FAM91A1: variants seen among roughly 807,000 people sequenced by gnomAD.
The protein encoded by FAM91A1 is protein FAM91A1.
In FAM91A1, 41 loss-of-function variants were observed where a neutral mutation model predicts 113.5. The observed-to-expected ratio is 0.36, with a 90% confidence interval of 0.28 to 0.47. FAM91A1 has a LOEUF of 0.47. FAM91A1 is among the 20% of genes least tolerant of loss of function. The pLI is 1.00. For missense variants in FAM91A1, 696 were observed against 1,001.2 expected, an observed-to-expected ratio of 0.70 and a Z score of 4.11; for synonymous variants, 307 against 347.9, an observed-to-expected ratio of 0.88 and a Z score of 1.31.
intron 14 of FAM91A1, 47 bp downstream of exon 14, chr8:123,787,797 G>C (rs1815294673): frequency 6.8e-7 from 1 of 1,466,002 alleles, no homozygotes. Flanking sequence ...TTTGGAATCT[G>C]TCCTTGCTTG....
At chr8:123,786,353 T>G (rs1815257224) in intron 11 of FAM91A1, 142 bp from the exon 12 acceptor site, 1 of 631,838 alleles carries the variant, frequency 1.6e-6, no homozygotes, top group South Asian at 2.0e-5. Flanking sequence ...AGAGCATTTT[T>G]GGGCTGCGAC....
In FAM91A1 at chr8:123,784,512, A is replaced by G; in HGVS notation, c.746A>G (p.Asp249Gly). ...EGFVMNRVQG[D>G]YFETLLYKIF... is the part of the protein sequence containing the mutation. ...TTTGTAATGAATCGAGTGCAAGGTG[A>G]TTATTTTGAAACTCTACTCTATAAG... Residue 249 changes from aspartate (D) to glycine (G), a missense_variant, in exon 9 of 24, where the codon GAT (aspartate) becomes GGT (glycine). Coordinates refer to ENST00000334705, the MANE Select transcript of FAM91A1 (RefSeq NM_144963.4). The G allele has an allele frequency of 6.2e-7, 1 of 1,608,362 alleles. No individual in the cohort carries two copies. The highest frequency in any genetic ancestry group is 1.1e-5 in the South Asian group (1 of 89,306).
chr8:123,777,331 T>G lies in FAM91A1; in HGVS notation c.367+9T>G, dbSNP rs766797715. 3.1e-6 allele frequency: 5 copies of G among 1,610,710 alleles called. No homozygotes were observed. The African/African-American group carries it at 5.3e-5, about 17-fold the overall frequency. On this transcript the variant is annotated intron_variant, in intron 4 of 23. Coordinates refer to ENST00000334705, the MANE Select transcript of FAM91A1 (RefSeq NM_144963.4). ...TTTTACTGCTGCTGACTGTAAGTAT[T>G]TAATTGTGCTGAAGAAGGTAATGTT...
chr8:123,784,574 G>C lies in FAM91A1; in HGVS notation c.808G>C (p.Glu270Gln). The C allele has an allele frequency of 6.3e-7, 1 of 1,592,490 alleles. No individual in the cohort carries two copies. Residue 270 changes from glutamate to glutamine, a missense_variant and splice_region_variant, in exon 9 of 24, where the codon GAG becomes CAG. Transcript: ENST00000334705. Reference protein sequence around the residue: ...VSIDEHTNVAELANVLEIDLS... With the variant: ...VSIDEHTNVAQLANVLEIDLS... ...AATAGATGAGCACACAAATGTTGCA[G>C]AGGTAAGTTTGACAACGTCTCATGA...
At chr8:123,803,600 G>C (rs1243880720) in intron 18 of FAM91A1, among the ~76,000 whole-genome samples, 1 of 152,144 alleles carries the variant, frequency 6.6e-6, no homozygotes, top group Non-Finnish European at 1.5e-5. Flanking sequence ...ACCACACCAG[G>C]CTGACAGTAC....
intron 14 of FAM91A1, among the ~76,000 whole-genome samples, 175 bp from the exon 15 acceptor site, chr8:123,789,438 T>A (rs1273729728): frequency 6.6e-6 from 1 of 152,244 alleles, no homozygotes; most frequent in African/African-American, 2.4e-5. Flanking sequence ...TCCATAGATG[T>A]AGTAAAATTG....
chr8:123,778,145 A>C, intron 5 of FAM91A1, 53 bp downstream of exon 5: 2 of 1,289,138 alleles, frequency 1.6e-6, no homozygotes, highest in South Asian at 2.5e-5. Flanking sequence ...CAGTTTGATT[A>C]GTTTTTTTAA....
intron 14 of FAM91A1, among the ~76,000 whole-genome samples, 169 bp downstream of exon 14, chr8:123,787,919 T>G (rs541600234): frequency 2.0e-4 from 31 of 152,218 alleles, no homozygotes; most frequent in African/African-American, 7.2e-4. Flanking sequence ...GACTTAAACA[T>G]ATTGAGTGGG....
chr8:123,794,073 T>A (rs189738275), intron 15 of FAM91A1, among the ~76,000 whole-genome samples: 1 of 152,314 alleles, frequency 6.6e-6, no homozygotes, highest in Non-Finnish European at 1.5e-5. Context: ...TTTGTAGAGA[T>A]CGGAAACTGG....
chr8:123,799,445 C>G lies in FAM91A1; in HGVS notation c.1561-75C>G, dbSNP rs146944289. ...GTTAACATTTATGTGAAGGGATTTG[C>G]TGTTTATAAGACTGTTCTCGGTCAC... is the stretch of plus-strand genomic sequence containing the variant. On this transcript the variant is annotated intron_variant, in intron 16 of 23. Transcript: ENST00000334705. 32 of 1,338,458 alleles carry G rather than the reference C, an allele frequency of 2.4e-5. No homozygotes were observed. The African/African-American group carries it at 4.6e-4, about 19-fold the overall frequency. 82.9% of individuals were successfully genotyped at this position (1,338,458 alleles called of 1,614,324 possible).
Position 123,786,541 on chromosome 8 carries a change from G to A in FAM91A1, c.1009G>A (p.Glu337Lys), listed in dbSNP as rs749464101. The A allele has an allele frequency of 4.3e-6, 7 of 1,614,056 alleles. No homozygotes were observed. Among genetic ancestry groups the A allele is most frequent in the Non-Finnish European group, 5.1e-6 (6 of 1,179,980 alleles). The part of the protein sequence containing the change: ...QKMLLSWDGG[E>K]SRSPVQEASS... The stretch of plus-strand genomic sequence containing the variant: ...GATGCTCTTGTCATGGGATGGAGGG[G>A]AAAGTAGGAGTCCTGTACAAGAAGC... The change falls in exon 12 of 24, where the codon GAA becomes AAA. Residue 337 changes from glutamate to lysine, a missense_variant. Physicochemically the swap from Glu to Lys is moderately conservative, Grantham distance 56. Coordinates refer to ENST00000334705, the MANE Select transcript of FAM91A1 (RefSeq NM_144963.4).
At position 123,810,146 on chromosome 8, in the gene FAM91A1, A is replaced by G. The variant is rs573583861; in HGVS notation, c.2262-136A>G. 9.1e-6 allele frequency: 7 copies of G among 771,978 alleles called. No homozygotes were observed. The South Asian group carries it at 1.6e-4, about 18-fold the overall frequency. 47.8% of individuals were successfully genotyped at this position (771,978 alleles called of 1,614,324 possible). On this transcript the variant is annotated intron_variant, in intron 22 of 23. Transcript: ENST00000334705. ...AAAATTTCATTGATGAGAAACACTG[A>G]AATTGTTTTTTAAGATGTTTTGTGA...
chr8:123,782,812 A>T (rs1257700058), intron 8 of FAM91A1, among the ~76,000 whole-genome samples: 4 of 152,096 alleles, frequency 2.6e-5, no homozygotes, highest in Non-Finnish European at 5.9e-5. Context: ...TTTTGCTTAG[A>T]TACAAATTTT....
chr8:123,799,745 T>G, intron 17 of FAM91A1, 27 bp from the exon 18 acceptor site: 1 of 1,606,054 alleles, frequency 6.2e-7, no homozygotes, highest in Non-Finnish European at 8.5e-7. Context: ...CTGAATGCCA[T>G]TTTACCTGTT....
chr8:123,812,254 G>T, intron 23 of FAM91A1: 9 of 265,538 alleles, frequency 3.4e-5, no homozygotes, highest in Non-Finnish European at 4.9e-5. Flanking sequence ...TTGTAAAAAT[G>T]AACTTTTGCT....
At chr8:123,793,926 G>GGATTAA (rs1175025963) in intron 15 of FAM91A1, among the ~76,000 whole-genome samples, 7 of 152,146 alleles carry the variant, frequency 4.6e-5, no homozygotes, top group Non-Finnish European at 7.4e-5. Flanking sequence ...TTGTTCAAAA[G>GGATTAA]GATTAAGAAT....
Position 123,793,731 on chromosome 8 carries a change from TA to T in FAM91A1, c.1411+3987del, listed in dbSNP as rs1377554441. Reference sequence around the variant, plus strand: ...CCTAATGTCTTTTACTGGGGATTGCTATTAGAGACCAAGATACTGGTGTTAG... The same window carrying T: ...CCTAATGTCTTTTACTGGGGATTGCTTTAGAGACCAAGATACTGGTGTTAG... On this transcript the variant is annotated intron_variant, in intron 15 of 23. Coordinates refer to ENST00000334705, the MANE Select transcript of FAM91A1 (RefSeq NM_144963.4). Among the ~76,000 whole-genome samples the T allele has an allele frequency of 2.6e-5, 4 of 152,340 alleles. No individual in the cohort carries two copies. In the East Asian group the frequency reaches 7.7e-4, roughly 29 times the overall value.
At chr8:123,804,213 C>T (rs868439947) in intron 18 of FAM91A1, among the ~76,000 whole-genome samples, 33 of 150,484 alleles carry the variant, frequency 2.2e-4, no homozygotes, top group African/African-American at 6.6e-4. Context: ...AGCCTGGGCG[C>T]GGTGGCTCAC....
rs986627946 is a variant in FAM91A1, at chr8:123,768,457, C to G, written c.-246C>G. On this transcript the variant is annotated 5_prime_UTR_variant, in exon 1 of 24. Transcript: ENST00000334705. The stretch of plus-strand genomic sequence containing the variant: ...TGTGCCCAGAGCCATTTCCGGCGGC[C>G]CGAAACTAGGAAGAAACTTGGAGCT... 9.3e-6 allele frequency: 4 copies of G among 429,962 alleles called. No homozygotes were observed. The highest frequency in any genetic ancestry group is 8.4e-5 in the African/African-American group (4 of 47,726). 26.6% of individuals were successfully genotyped at this position (429,962 alleles called of 1,614,324 possible).
Sources: allele counts gnomAD v4.1 joint callset (sites outside exome capture counted in the v4.1 genomes callset), GRCh38; gene constraint gnomAD v4.1.1; transcripts MANE v1.5; gene names NCBI Gene and HGNC (gene_info 2026-07-23, HGNC 2026-07-21).